KCNT1: variants seen among roughly 807,000 people sequenced by gnomAD.
KCNT1 encodes potassium sodium-activated channel subfamily T member 1, also known as potassium channel subfamily T member 1.
KCNT1 carries 78 observed loss-of-function variants against 147.8 expected under a neutral mutation model. The observed-to-expected ratio is 0.53, with a 90% CI of 0.44 to 0.64. The LOEUF is 0.64. Ranked by LOEUF, KCNT1 falls within the 30% of genes least tolerant of loss-of-function variation. The pLI is 0.00. For missense variants in KCNT1, 1,419 were observed against 1,750.3 expected, an observed-to-expected ratio of 0.81 and a Z score of 3.38; for synonymous variants, 867 against 748.8, an observed-to-expected ratio of 1.16 and a Z score of -2.58.
intron 2 of KCNT1, among the ~76,000 whole-genome samples, chr9:135,721,834 G>C (rs760284625): frequency 1.2e-4 from 19 of 152,208 alleles, no homozygotes; most frequent in Non-Finnish European, 2.8e-4. Flanking sequence ...GCTCGCCCTT[G>C]TCTCCTGGGC....
At chr9:135,758,352 T>G (rs1326222930) in intron 9 of KCNT1, 62 bp from the exon 10 acceptor site, 2 of 1,257,778 alleles carry the variant, frequency 1.6e-6, no homozygotes, top group African/African-American at 2.9e-5. Context: ...CTAGTCTCTA[T>G]TCATTGGCTC....
chr9:135,750,270 C>A, intron 3 of KCNT1, 93 bp downstream of exon 3: 1 of 1,055,142 alleles, frequency 9.5e-7, no homozygotes, highest in Non-Finnish European at 1.4e-6. Flanking sequence ...GGGCTGTGAG[C>A]TCAGGGAGAG....
At chr9:135,706,124 T>A (rs1462505162) in intron 1 of KCNT1, among the ~76,000 whole-genome samples, 2 of 152,174 alleles carry the variant, frequency 1.3e-5, no homozygotes, top group Non-Finnish European at 2.9e-5. Context: ...TCACTTCACC[T>A]CTCTGGGCCT....
chr9:135,757,103 G>T, intron 7 of KCNT1, 53 bp from the exon 8 acceptor site: 1 of 1,026,734 alleles, frequency 9.7e-7, no homozygotes, highest in Admixed American at 1.9e-5. Flanking sequence ...TCCCCTGCTG[G>T]GCCCCACCCC....
intron 1 of KCNT1, among the ~76,000 whole-genome samples, chr9:135,712,296 A>C (rs1032962003): frequency 1.3e-5 from 2 of 152,250 alleles, no homozygotes; most frequent in Non-Finnish European, 2.9e-5. Context: ...TAAGCCACCA[A>C]ACACAGAATT....
chr9:135,737,520 T>C (rs1290365164), intron 2 of KCNT1, among the ~76,000 whole-genome samples: 1 of 152,132 alleles, frequency 6.6e-6, no homozygotes, highest in Non-Finnish European at 1.5e-5. Flanking sequence ...TGGGCACATG[T>C]CGTGGGCACG....
In KCNT1 at chr9:135,778,700, G is replaced by A; in HGVS notation, c.2607G>A (p.Leu869=). The change falls in exon 23 of 31, where the codon CTG becomes CTA. Residue 869 remains leucine, a synonymous_variant. Coordinates refer to ENST00000371757, the MANE Select transcript of KCNT1 (RefSeq NM_020822.3). ...MEGSVDNLDS[L]LQCGIIYADN... Reference sequence around the variant, plus strand: ...GTCCCGCCACCAGCCTGGACAGCCTGCTGCAGTGTGGCATCATCTATGCGG... The same window carrying A: ...GTCCCGCCACCAGCCTGGACAGCCTACTGCAGTGTGGCATCATCTATGCGG... 2 of 1,613,066 alleles carry A rather than the reference G, an allele frequency of 1.2e-6. No individual in the cohort carries two copies. The highest frequency in any genetic ancestry group is 1.7e-6 in the Non-Finnish European group (2 of 1,179,764).
intron 24 of KCNT1, among the ~76,000 whole-genome samples, chr9:135,783,001 C>G (rs1377525435): frequency 1.3e-5 from 2 of 152,214 alleles, no homozygotes; most frequent in Non-Finnish European, 2.9e-5. Context: ...TGTCTTTTAC[C>G]TGTGAATCGA....
rs770809781 is a variant in KCNT1 at position 135,754,012 on chromosome 9, T to G, written c.491+19T>G. 6.2e-7 allele frequency: 1 copy of G among 1,612,122 alleles called. No individual in the cohort carries two copies. The highest frequency in any genetic ancestry group is 8.5e-7 in the Non-Finnish European group (1 of 1,178,628). On this transcript the variant is annotated intron_variant, in intron 5 of 30. Coordinates refer to ENST00000371757, the MANE Select transcript of KCNT1 (RefSeq NM_020822.3). ...TCAACTGGTGAGTCCACACTCCAGC[T>G]CCCAATAGCCAGGCGCTCAGAGGCC...
intron 1 of KCNT1, among the ~76,000 whole-genome samples, chr9:135,708,291 GTACA>G (rs1303833911): frequency 1.2e-4 from 18 of 152,302 alleles, no homozygotes; most frequent in South Asian, 2.1e-4. Context: ...CATGCACATT[GTACA>G]TACATGCATG....
At chr9:135,790,240 A>T (rs1834391034) in intron 29 of KCNT1, 1 of 151,022 alleles carries the variant, frequency 6.6e-6, no homozygotes, top group Non-Finnish European at 1.5e-5. Flanking sequence ...TGCCCTCACC[A>T]CCCACTCCCT....
chr9:135,775,054 G>A (rs1833067695), intron 19 of KCNT1, among the ~76,000 whole-genome samples: 1 of 152,188 alleles, frequency 6.6e-6, no homozygotes, highest in African/African-American at 2.4e-5. Context: ...CTGCCCTGCA[G>A]GACACACTGG....
intron 1 of KCNT1, among the ~76,000 whole-genome samples, chr9:135,709,744 G>A (rs993304005): frequency 2.0e-5 from 3 of 152,116 alleles, no homozygotes; most frequent in Admixed American, 2.0e-4. Flanking sequence ...GCAGTGGTGC[G>A]ATCTCAGCTC....
At chr9:135,727,625 C>G (rs1320967981) in intron 2 of KCNT1, among the ~76,000 whole-genome samples, 1 of 152,124 alleles carries the variant, frequency 6.6e-6, no homozygotes, top group Non-Finnish European at 1.5e-5. Context: ...ACTGTTGTGC[C>G]TTTGAAGGGA....
At chr9:135,761,667 G>A (rs114426855) in intron 11 of KCNT1, among the ~76,000 whole-genome samples, 1,864 of 152,320 alleles carry the variant, frequency 0.012, 47 homozygotes, top group African/African-American at 0.043. Context: ...ACTTCACCAC[G>A]TGGCCGGCAC....
In KCNT1 at chr9:135,759,841, C is replaced by T. The variant is rs1471908449; in HGVS notation, c.1017C>T (p.Leu339=). 1.0e-5 allele frequency: 16 copies of T among 1,607,362 alleles called. No homozygotes were observed. Among genetic ancestry groups the T allele is most frequent in the African/African-American group, 1.3e-5 (1 of 74,836 alleles). ...TGGTCATCATGATCTGCGTGGCCCT[C>T]GTGGTGCTCCCACTGCAGGTGGGTC... ...LLVVIMICVA[L]VVLPLQFEEL... is the part of the protein sequence containing the mutation. Residue 339 remains leucine (L), a synonymous_variant, in exon 11 of 31, where the codon CTC becomes CTT. Coordinates refer to ENST00000371757, the MANE Select transcript of KCNT1 (RefSeq NM_020822.3).
At chr9:135,703,074 G>C (rs1451361244) in intron 1 of KCNT1, 1 of 152,594 alleles carries the variant, frequency 6.6e-6, no homozygotes, top group Non-Finnish European at 1.5e-5. Flanking sequence ...AGCTGAGTGG[G>C]ACAGTCCTGA....
chr9:135,738,726 C>A (rs1830440921), intron 2 of KCNT1, among the ~76,000 whole-genome samples: 1 of 152,158 alleles, frequency 6.6e-6, no homozygotes, highest in South Asian at 2.1e-4. Context: ...CCAGAGCTCC[C>A]CTAACACCCT....
chr9:135,752,345 C>G lies in KCNT1; in HGVS notation c.434+1304C>G, dbSNP rs1276346946. The G allele has an allele frequency of 2.2e-6, 1 of 456,426 alleles. No homozygotes were observed. The highest frequency in any genetic ancestry group is 4.4e-6 in the Non-Finnish European group (1 of 226,860). 28.3% of individuals were successfully genotyped at this position (456,426 alleles called of 1,614,324 possible). A position where few individuals can be genotyped will look rare whatever the true frequency, so the allele number is the denominator to read the frequency against. ...GGCATCCCCAGGCCAGAGACTTTCC[C>G]TCTCCTAAGAATGAACCTCCTGTCT... is the stretch of plus-strand genomic sequence containing the variant. On this transcript the variant is annotated intron_variant, in intron 4 of 30. Transcript: ENST00000371757. The surrounding 1 kb of genome is among the most constrained non-coding windows in gnomAD (Gnocchi z 5.1).
Sources: allele counts gnomAD v4.1 joint callset (sites outside exome capture counted in the v4.1 genomes callset), GRCh38; gene constraint gnomAD v4.1.1; non-coding constraint Gnocchi (gnomAD v3.1); transcripts MANE v1.5; gene names NCBI Gene and HGNC (gene_info 2026-07-23, HGNC 2026-07-21).